Variants in TNRC6B observed in about 807,000 individuals in gnomAD.
The protein encoded by TNRC6B is trinucleotide repeat containing adaptor 6B, also known as trinucleotide repeat-containing gene 6B protein.
TNRC6B carries 52 observed loss-of-function variants against 203.6 expected under a neutral mutation model. The observed-to-expected ratio is 0.26, with a 90% confidence interval of 0.20 to 0.32. The LOEUF (loss-of-function observed/expected upper bound fraction) is 0.32, where lower values mean the gene tolerates loss of function less well. Ranked by LOEUF, TNRC6B falls within the 10% of genes least tolerant of loss-of-function variation. TNRC6B has a pLI of 1.00. For missense variants in TNRC6B, 1,923 were observed against 2,286.2 expected, an observed-to-expected ratio of 0.84 and a Z score of 3.24; for synonymous variants, 838 against 845.7, an observed-to-expected ratio of 0.99 and a Z score of 0.16.
chr22:40,302,372 C>T (rs546112581), intron 15 of TNRC6B, among the ~76,000 whole-genome samples: 14 of 152,204 alleles, frequency 9.2e-5, no homozygotes, highest in Non-Finnish European at 1.3e-4. Context: ...CGGTGACTCA[C>T]ACCTGTAATC....
At chr22:40,145,533 G>A (rs1320067082) in intron 3 of TNRC6B, among the ~76,000 whole-genome samples, 1 of 152,052 alleles carries the variant, frequency 6.6e-6, no homozygotes, top group Non-Finnish European at 1.5e-5. Context: ...CAATTTATTC[G>A]ATGTTGAGGA....
At chr22:40,181,948 G>A (rs1235350724) in intron 1 of TNRC6B, among the ~76,000 whole-genome samples, 11 of 141,992 alleles carry the variant, frequency 7.7e-5, no homozygotes, top group Middle Eastern at 3.7e-3. Flanking sequence ...TGTCTCGAGA[G>A]AAAAAAAAAA....
At chr22:40,318,029 A>G in intron 21 of TNRC6B, among the ~76,000 whole-genome samples, 1 of 152,086 alleles carries the variant, frequency 6.6e-6, no homozygotes, top group Admixed American at 6.5e-5. Context: ...AACTAAGCAG[A>G]TTTTTTCACT....
intron 3 of TNRC6B, among the ~76,000 whole-genome samples, chr22:40,145,228 A>G (rs1758188765): frequency 6.6e-6 from 1 of 152,150 alleles, no homozygotes; most frequent in South Asian, 2.1e-4. Context: ...CCTGGGTGAC[A>G]GAGTGAGACC....
intron 1 of TNRC6B, chr22:40,107,075 C>T (rs575613032): frequency 1.2e-4 from 86 of 742,534 alleles, no homozygotes; most frequent in South Asian, 1.1e-3. Flanking sequence ...TGGTTCCAGC[C>T]GGAAAAAGAG....
At chr22:40,178,328 G>A (rs2069090234) in intron 1 of TNRC6B, among the ~76,000 whole-genome samples, 188 bp downstream of exon 1, 2 of 152,100 alleles carry the variant, frequency 1.3e-5, no homozygotes, top group African/African-American at 4.8e-5. Context: ...AAAAGACGTG[G>A]TAAAATATTT....
intron 20 of TNRC6B, among the ~76,000 whole-genome samples, chr22:40,315,711 A>T (rs1223489861): frequency 3.2e-5 from 1 of 31,676 alleles, no homozygotes; most frequent in East Asian, 1.0e-3. Flanking sequence ...TAAAATGAGT[A>T]AAAATGGCAG....
intron 11 of TNRC6B, among the ~76,000 whole-genome samples, chr22:40,283,284 C>T (rs773334859): frequency 3.3e-5 from 5 of 152,152 alleles, no homozygotes; most frequent in African/African-American, 4.8e-5. Flanking sequence ...GTGATCCGCC[C>T]GCCTTGGCCT....
chr22:40,089,927 G>A (rs2068136475), intron 1 of TNRC6B, among the ~76,000 whole-genome samples: 1 of 152,128 alleles, frequency 6.6e-6, no homozygotes, highest in Non-Finnish European at 1.5e-5. Context: ...ATGTTATGTA[G>A]TTGGAATCAC....
At chr22:40,154,860 A>AAATAT (rs1555885936) in intron 3 of TNRC6B, among the ~76,000 whole-genome samples, 13 of 23,586 alleles carry the variant, frequency 5.5e-4, no homozygotes, top group Non-Finnish European at 6.8e-4. Context: ...AAAAAAAAAA[A>AAATAT]ATATATATAT....
At chr22:40,152,919 G>T (rs1165247933) in intron 3 of TNRC6B, among the ~76,000 whole-genome samples, 3 of 151,856 alleles carry the variant, frequency 2.0e-5, no homozygotes, top group African/African-American at 7.2e-5. Context: ...TGGCCAACAT[G>T]GTGAACCCCT....
chr22:40,138,903 C>T (rs989843267), intron 3 of TNRC6B, among the ~76,000 whole-genome samples: 5 of 152,166 alleles, frequency 3.3e-5, no homozygotes, highest in African/African-American at 1.2e-4. Context: ...AAAGAATTAA[C>T]TTGGATGTTC....
intron 1 of TNRC6B, among the ~76,000 whole-genome samples, chr22:40,181,805 A>G (rs1480968446): frequency 2.0e-5 from 3 of 151,818 alleles, no homozygotes; most frequent in East Asian, 1.9e-4. Context: ...TTAGCTGGGC[A>G]TGGTGGCTCA....
intron 5 of TNRC6B, among the ~76,000 whole-genome samples, chr22:40,269,081 T>TAC: frequency 6.7e-6 from 1 of 149,574 alleles, no homozygotes; most frequent in Non-Finnish European, 1.5e-5. Context: ...TAGCTTCCAA[T>TAC]TTTAGCACAT....
At chr22:40,316,435 G>A (rs73165097) in intron 21 of TNRC6B, among the ~76,000 whole-genome samples, 6,911 of 152,132 alleles carry the variant, frequency 0.045, 225 homozygotes, top group Non-Finnish European at 0.069. Flanking sequence ...GGAGGCCAAG[G>A]CGAGAGGATT....
intron 2 of TNRC6B, among the ~76,000 whole-genome samples, chr22:40,249,952 CTTAT>C (rs1309686068): frequency 6.6e-6 from 1 of 152,158 alleles, no homozygotes; most frequent in Non-Finnish European, 1.5e-5. Context: ...TCCTTTAACT[CTTAT>C]TTAGAGTCTG....
rs1054864369 is a variant in TNRC6B, at chr22:40,063,729, G to C, written c.-121+18731G>C. Among the ~76,000 whole-genome samples, 5 of 151,200 alleles carry C rather than the reference G, an allele frequency of 3.3e-5. No homozygotes were observed. The South Asian group carries it at 6.3e-4, about 19-fold the overall frequency. ...TTTTCGTTTTTGTTTTTGAGACAGG[G>C]TCTCACTCTGTCACCCAGGCTGGAG... On this transcript the variant is annotated intron_variant, in intron 1 of 23. Transcript: ENST00000301923.
intron 1 of TNRC6B, among the ~76,000 whole-genome samples, chr22:40,087,191 T>C (rs769983836): frequency 6.6e-6 from 1 of 152,246 alleles, no homozygotes; most frequent in Non-Finnish European, 1.5e-5. Flanking sequence ...GATGGAAATA[T>C]ATCATTAGAA....
At chr22:40,080,074 C>A (rs571023803) in intron 1 of TNRC6B, among the ~76,000 whole-genome samples, 1 of 149,448 alleles carries the variant, frequency 6.7e-6, no homozygotes, top group Non-Finnish European at 1.5e-5. Context: ...GGATTACAGA[C>A]GTGAGCCACC....
Sources: gnomAD v4.1 joint callset for allele counts (sites outside exome capture counted in the v4.1 genomes callset) on GRCh38, gnomAD v4.1.1 for gene constraint, MANE v1.5 for transcripts, NCBI Gene and HGNC (gene_info 2026-07-23, HGNC 2026-07-21) for gene names.